The following FGF12 variants were observed in gnomAD, a reference collection of about 807,000 sequenced individuals.
FGF12 encodes fibroblast growth factor 12.
In FGF12, 14 loss-of-function variants were observed where a neutral mutation model predicts 23.6. That is an observed-to-expected ratio of 0.59 (90% CI 0.39 to 0.93). The LOEUF (loss-of-function observed/expected upper bound fraction) is 0.93, where lower values mean the gene tolerates loss of function less well. Among genes scored for constraint, FGF12 ranks in the 40% least tolerant of loss-of-function variants. The pLI, the probability that FGF12 is intolerant of heterozygous loss-of-function variation, is 0.00. For synonymous variants in FGF12, 62 were observed against 77.3 expected, an observed-to-expected ratio of 0.80 and a Z score of 1.04; for missense variants, 175 against 217.8, an observed-to-expected ratio of 0.80 and a Z score of 1.24.
At chr3:192,444,257 A>T (rs1291916474) in intron 2 of FGF12, among the ~76,000 whole-genome samples, 1 of 152,150 alleles carries the variant, frequency 6.6e-6, no homozygotes, top group African/African-American at 2.4e-5. Flanking sequence ...CCTTGAAAAA[A>T]GGAGAAGAAA....
chr3:192,571,203 G>GA (rs1273869567), intron 2 of FGF12, among the ~76,000 whole-genome samples: 1 of 152,200 alleles, frequency 6.6e-6, no homozygotes, highest in African/African-American at 2.4e-5. Flanking sequence ...TTTTCTCCTG[G>GA]AAAGGCAACA....
In FGF12 at chr3:192,548,635, C is replaced by T. The variant is rs1725555997; in HGVS notation, c.13+178546G>A. On this transcript the variant is annotated intron_variant, in intron 2 of 5. Coordinates refer to ENST00000445105, the MANE Select transcript of FGF12 (RefSeq NM_004113.6). ...ACTAATTAATCAAGGTATGTATTAG[C>T]CAGATTCTGAACATTATTATTAATT... 3.3e-5 allele frequency among the ~76,000 whole-genome samples: 5 copies of T among 152,090 alleles called. No homozygotes were observed. The South Asian group carries it at 1.0e-3, about 32-fold the overall frequency.
At chr3:192,519,157 A>G (rs573075116) in intron 2 of FGF12, among the ~76,000 whole-genome samples, 1 of 152,258 alleles carries the variant, frequency 6.6e-6, no homozygotes, top group South Asian at 2.1e-4. Context: ...CCAGCTATGC[A>G]GCTCTCACCA....
intron 2 of FGF12, among the ~76,000 whole-genome samples, chr3:192,612,515 A>G (rs570989888): frequency 1.3e-5 from 2 of 152,004 alleles, no homozygotes; most frequent in African/African-American, 2.4e-5. Context: ...ACTAAAAGGG[A>G]GGCTGATTAA....
intron 2 of FGF12, among the ~76,000 whole-genome samples, chr3:192,469,342 C>T (rs1487101493): frequency 6.6e-6 from 1 of 152,188 alleles, no homozygotes; most frequent in Admixed American, 6.5e-5. Context: ...TTGCTAACAC[C>T]TGCATGTACA....
chr3:192,616,044 T>C (rs1432691926), intron 2 of FGF12, among the ~76,000 whole-genome samples: 1 of 151,956 alleles, frequency 6.6e-6, no homozygotes, highest in African/African-American at 2.4e-5. Flanking sequence ...TACAAAATTT[T>C]TTTCTTAAAA....
chr3:192,150,924 G>A (rs1324831329), intron 5 of FGF12, among the ~76,000 whole-genome samples: 2 of 142,432 alleles, frequency 1.4e-5, no homozygotes, highest in Non-Finnish European at 3.1e-5. Context: ...CCATTTTCAC[G>A]ACATTGATTC....
chr3:192,201,996 T>G (rs1184413444), intron 4 of FGF12, among the ~76,000 whole-genome samples: 1 of 152,212 alleles, frequency 6.6e-6, no homozygotes, highest in African/African-American at 2.4e-5. Context: ...CTCTTACATA[T>G]GGATGTTTCT....
intron 4 of FGF12, among the ~76,000 whole-genome samples, chr3:192,243,464 G>T (rs1560031270): frequency 6.6e-6 from 1 of 151,326 alleles, no homozygotes; most frequent in Non-Finnish European, 1.5e-5. Context: ...ATTCAAGGTA[G>T]CATTTAACAC....
intron 4 of FGF12, among the ~76,000 whole-genome samples, chr3:192,311,280 C>T (rs1384990866): frequency 1.3e-5 from 2 of 152,172 alleles, no homozygotes; most frequent in South Asian, 4.1e-4. Context: ...AGCAACCCCA[C>T]ACCCTTTAGC....
intron 4 of FGF12, chr3:192,282,921 G>A (rs1002509713): frequency 1.3e-5 from 2 of 152,052 alleles, no homozygotes; most frequent in Admixed American, 6.6e-5. Flanking sequence ...TGAGGTAAGT[G>A]GACGTGAGAG....
At chr3:192,450,365 A>T (rs1402157372) in intron 2 of FGF12, among the ~76,000 whole-genome samples, 1 of 152,226 alleles carries the variant, frequency 6.6e-6, no homozygotes, top group Non-Finnish European at 1.5e-5. Flanking sequence ...GATCCTTTTA[A>T]GGAGCAAAAA....
At chr3:192,309,638 G>A (rs1185236467) in intron 4 of FGF12, among the ~76,000 whole-genome samples, 2 of 152,164 alleles carry the variant, frequency 1.3e-5, no homozygotes, top group Non-Finnish European at 2.9e-5. Flanking sequence ...AGGATTTCAT[G>A]GTGGAGGTAT....
intron 4 of FGF12, among the ~76,000 whole-genome samples, chr3:192,305,679 A>AAAAAAAT (rs1423738741): frequency 1.5e-5 from 2 of 131,932 alleles, no homozygotes; most frequent in African/African-American, 2.9e-5. Context: ...AAAAAAAAAA[A>AAAAAAAT]ATATATATAT....
intron 2 of FGF12, among the ~76,000 whole-genome samples, chr3:192,438,463 T>C (rs1722094454): frequency 6.6e-6 from 1 of 152,218 alleles, no homozygotes; most frequent in Non-Finnish European, 1.5e-5. Context: ...GAAGAAGCCA[T>C]CTTCAGGGAT....
At chr3:192,447,704 C>G (rs1722396747) in intron 2 of FGF12, among the ~76,000 whole-genome samples, 1 of 152,168 alleles carries the variant, frequency 6.6e-6, no homozygotes, top group Non-Finnish European at 1.5e-5. Flanking sequence ...TACCATTACA[C>G]AGTATACTTA....
At chr3:192,539,852 AT>A (rs763624402) in intron 2 of FGF12, among the ~76,000 whole-genome samples, 1 of 149,378 alleles carries the variant, frequency 6.7e-6, no homozygotes, top group Non-Finnish European at 1.5e-5. Flanking sequence ...CCAGTTTTGG[AT>A]TTTTTTTCAT....
At chr3:192,486,436 C>A (rs547444662) in intron 2 of FGF12, among the ~76,000 whole-genome samples, 4 of 151,836 alleles carry the variant, frequency 2.6e-5, no homozygotes, top group African/African-American at 7.3e-5. Flanking sequence ...TCAGATGAGG[C>A]CTTGATGAAA....
At chr3:192,551,470 G>T (rs138736594) in intron 2 of FGF12, among the ~76,000 whole-genome samples, 387 of 152,344 alleles carry the variant, frequency 2.5e-3, no homozygotes, top group African/African-American at 9.0e-3. Context: ...AACTATAGCA[G>T]TGACAAATCC....
Sources: allele counts gnomAD v4.1 joint callset (sites outside exome capture counted in the v4.1 genomes callset), GRCh38; gene constraint gnomAD v4.1.1; transcripts MANE v1.5; gene names NCBI Gene and HGNC (gene_info 2026-07-23, HGNC 2026-07-21).